PCDHGB2: variants seen among roughly 807,000 people sequenced by gnomAD.
The protein encoded by PCDHGB2 is protocadherin gamma-B2.
In PCDHGB2, 55 loss-of-function variants were observed where a neutral mutation model predicts 59.3. The ratio of observed to expected loss-of-function variants is 0.93; its 90% CI spans 0.75 to 1.16. PCDHGB2 has a LOEUF of 1.16. Among genes scored for constraint, PCDHGB2 ranks in the 50% most tolerant of loss-of-function variants. The probability of loss-of-function intolerance (pLI) is 0.00; values close to 1 mark genes in which losing one functional copy is unlikely to be tolerated. For missense variants in PCDHGB2, 1,228 were observed against 1,198.5 expected, an observed-to-expected ratio of 1.02 and a Z score of -0.36; for synonymous variants, 516 against 512.0, an observed-to-expected ratio of 1.01 and a Z score of -0.11.
intron 1 of PCDHGB2, among the ~76,000 whole-genome samples, chr5:141,492,586 G>C (rs1451055991): frequency 6.6e-6 from 1 of 152,220 alleles, no homozygotes; most frequent in Admixed American, 6.5e-5. Context: ...GGGGCCAGGA[G>C]CGCTGGAGCG....
At chr5:141,364,634 T>C (rs762469223) in intron 1 of PCDHGB2, 5 of 1,614,006 alleles carry the variant, frequency 3.1e-6, no homozygotes, top group Non-Finnish European at 3.4e-6. Context: ...GAGCCCACTG[T>C]GTGTGGTGAA....
At chr5:141,417,874 C>G in intron 1 of PCDHGB2, 9 of 1,555,320 alleles carry the variant, frequency 5.8e-6, no homozygotes, top group Non-Finnish European at 7.8e-6. Context: ...GAGGGAGCTG[C>G]GCGCAGAGGC....
At chr5:141,466,508 T>C (rs2099123841) in intron 1 of PCDHGB2, among the ~76,000 whole-genome samples, 1 of 152,190 alleles carries the variant, frequency 6.6e-6, no homozygotes, top group African/African-American at 2.4e-5. Context: ...ACAGACAAGA[T>C]CATTTTTTTT....
chr5:141,473,079 A>G (rs1389177835), intron 1 of PCDHGB2, among the ~76,000 whole-genome samples: 2 of 152,086 alleles, frequency 1.3e-5, no homozygotes, highest in African/African-American at 4.8e-5. Flanking sequence ...ATCTTTGTTT[A>G]TTATCCACTG....
intron 1 of PCDHGB2, chr5:141,365,344 G>A: frequency 6.2e-7 from 1 of 1,613,966 alleles, no homozygotes; most frequent in South Asian, 1.1e-5. Context: ...TCACAGTACA[G>A]GACGTGAATG....
Position 141,394,580 on chromosome 5 carries a change from C to T in PCDHGB2, c.2421+32024C>T, listed in dbSNP as rs779590383. ...CCGCAGAGCGTGGCTACCTGGTGAC[C>T]AAGGTGGTGGCGGTGGACAGAGACT... On this transcript the variant is annotated intron_variant, in intron 1 of 3. Transcript: ENST00000522605. The T allele has an allele frequency of 1.5e-5, 24 of 1,613,914 alleles. No individual in the cohort carries two copies. The South Asian group carries it at 2.6e-4, about 18-fold the overall frequency.
chr5:141,464,524 T>C (rs2099086175), intron 1 of PCDHGB2, among the ~76,000 whole-genome samples: 1 of 152,094 alleles, frequency 6.6e-6, no homozygotes, highest in Non-Finnish European at 1.5e-5. Context: ...AAGGCATATG[T>C]AGTTTTGTTA....
chr5:141,477,087 C>A lies in PCDHGB2; in HGVS notation c.2422-17720C>A, dbSNP rs748424193. 14 of 1,614,244 alleles carry A rather than the reference C, an allele frequency of 8.7e-6. No individual in the cohort carries two copies. Among genetic ancestry groups the A allele is most frequent in the Non-Finnish European group, 8.5e-7 (1 of 1,180,048 alleles). On this transcript the variant is annotated intron_variant, in intron 1 of 3. Transcript: ENST00000522605. This position sits in a 1 kb window ranked among gnomAD's most constrained non-coding sequence, Gnocchi z 4.9. ...AAACTCCATGAGATTTACATCCAGG[C>A]CAAAGACAAGGGCGCCAATCCCGAA...
chr5:141,372,455 G>C, intron 1 of PCDHGB2: 1 of 1,614,060 alleles, frequency 6.2e-7, no homozygotes, highest in Non-Finnish European at 8.5e-7. Flanking sequence ...CTCAGGCGGA[G>C]CTACAGTTTC....
chr5:141,381,826 CTTTT>C (rs770630741), intron 1 of PCDHGB2, among the ~76,000 whole-genome samples: 27 of 74,296 alleles, frequency 3.6e-4, no homozygotes, highest in Middle Eastern at 8.1e-3. Context: ...CTTTCTTCTT[CTTTT>C]TTTTTTTTTT....
At chr5:141,420,164 A>G (rs2096471602) in intron 1 of PCDHGB2, 1 of 1,614,040 alleles carries the variant, frequency 6.2e-7, no homozygotes, top group Non-Finnish European at 8.5e-7. Context: ...TAATTTTTTC[A>G]CATCTGTTGA....
chr5:141,476,039 C>T lies in PCDHGB2; in HGVS notation c.2422-18768C>T. The T allele has an allele frequency of 1.3e-6, 2 of 1,484,358 alleles. No homozygotes were observed. The highest frequency in any genetic ancestry group is 1.8e-6 in the Non-Finnish European group (2 of 1,117,328). The allele number at this position is 1,484,358 out of a possible 1,614,324, so 91.9% of individuals were successfully genotyped here. On this transcript the variant is annotated intron_variant, in intron 1 of 3. Coordinates refer to ENST00000522605, the MANE Select transcript of PCDHGB2 (RefSeq NM_018923.3). The surrounding 1 kb of genome is among the most constrained non-coding windows in gnomAD (Gnocchi z 7.6). Reference sequence around the variant, plus strand: ...TCGGACTCGGCGCCCAGCGCCCAAGCGCTAACCCGCTGAAAGTTTCTCAGC... The same window carrying T: ...TCGGACTCGGCGCCCAGCGCCCAAGTGCTAACCCGCTGAAAGTTTCTCAGC...
At chr5:141,371,827 A>T in intron 1 of PCDHGB2, 1 of 1,613,784 alleles carries the variant, frequency 6.2e-7, no homozygotes, top group Non-Finnish European at 8.5e-7. Flanking sequence ...AGAGCCTCGG[A>T]TCCCGACTTG....
intron 1 of PCDHGB2, chr5:141,407,995 C>A: frequency 1.2e-6 from 1 of 869,524 alleles, no homozygotes. Flanking sequence ...AGCCTCTGGC[C>A]TGGGATTCCC....
chr5:141,399,529 G>T (rs946281582), intron 1 of PCDHGB2: 3 of 1,614,010 alleles, frequency 1.9e-6, no homozygotes, highest in Non-Finnish European at 2.5e-6. Flanking sequence ...GGCCTCCATC[G>T]CGCAAGTCTG....
chr5:141,426,418 T>C (rs1445827088), intron 1 of PCDHGB2: 2 of 288,504 alleles, frequency 6.9e-6, no homozygotes, highest in Non-Finnish European at 1.4e-5. Flanking sequence ...GGTCCAGGGC[T>C]CCGTGGTGGG....
intron 1 of PCDHGB2, chr5:141,478,822 T>C: frequency 4.2e-6 from 6 of 1,444,070 alleles, no homozygotes; most frequent in Non-Finnish European, 5.5e-6. Flanking sequence ...AACTAACCAA[T>C]CTTGCTAAGG....
intron 1 of PCDHGB2, chr5:141,382,835 CG>C: frequency 7.0e-7 from 1 of 1,431,186 alleles, no homozygotes. Context: ...GGGGTCCACC[CG>C]GATACACCCG....
At chr5:141,434,561 G>A (rs2097702856) in intron 1 of PCDHGB2, among the ~76,000 whole-genome samples, 1 of 152,188 alleles carries the variant, frequency 6.6e-6, no homozygotes, top group Non-Finnish European at 1.5e-5. Flanking sequence ...GTGCCTTAAG[G>A]ACATGCCCCT....
Sources: gnomAD v4.1 joint callset for allele counts (sites outside exome capture counted in the v4.1 genomes callset) on GRCh38, gnomAD v4.1.1 for gene constraint, Gnocchi (gnomAD v3.1) non-coding constraint, MANE v1.5 for transcripts, NCBI Gene and HGNC (gene_info 2026-07-23, HGNC 2026-07-21) for gene names.